RNF213: variants seen among roughly 807,000 people sequenced by gnomAD.
RNF213 encodes E3 ubiquitin-protein ligase RNF213.
In RNF213, 341 loss-of-function variants were observed where a neutral mutation model predicts 514.4. The ratio of observed to expected loss-of-function variants is 0.66; its 90% CI spans 0.61 to 0.73. The LOEUF (loss-of-function observed/expected upper bound fraction) is 0.73. Among genes scored for constraint, RNF213 ranks in the 30% least tolerant of loss-of-function variants. RNF213 has a pLI of 0.00. For synonymous variants in RNF213, 2,655 were observed against 2,658.2 expected, an observed-to-expected ratio of 1.00 and a Z score of 0.04; for missense variants, 5,767 against 6,615.6, an observed-to-expected ratio of 0.87 and a Z score of 4.45.
chr17:80,349,856 C>T lies in RNF213; in HGVS notation c.10038C>T (p.Leu3346=). 1 of 1,614,116 alleles carries T rather than the reference C, an allele frequency of 6.2e-7. No homozygotes were observed. The highest frequency in any genetic ancestry group is 1.1e-5 in the South Asian group (1 of 91,082). Residue 3346 remains leucine, a synonymous_variant, in exon 30 of 68, where the codon CTC becomes CTT. Coordinates refer to ENST00000582970, the MANE Select transcript of RNF213 (RefSeq NM_001256071.3). ...CAGGCAGGGCTCCGAAACCCACACTCCTGTGGCTGCAGCAGTTTGACACCG... is the reference window on the plus strand; with the variant it reads ...CAGGCAGGGCTCCGAAACCCACACTTCTGTGGCTGCAGCAGTTTGACACCG... ...EVTGRAPKPT[L]LWLQQFDTEY...
chr17:80,268,600 CATCT>C (rs563833520), intron 2 of RNF213, among the ~76,000 whole-genome samples: 42 of 151,310 alleles, frequency 2.8e-4, no homozygotes, highest in Admixed American at 5.9e-4. Context: ...CTCTCTCATC[CATCT>C]GTTTGTCCAT....
intron 44 of RNF213, among the ~76,000 whole-genome samples, chr17:80,368,975 TGAA>T (rs1490513587): frequency 6.6e-6 from 1 of 152,178 alleles, no homozygotes; most frequent in Non-Finnish European, 1.5e-5. Context: ...TTTGGGATAT[TGAA>T]GGGTATTGTT....
At position 80,363,716 on chromosome 17, in the gene RNF213, G is replaced by T; in HGVS notation, c.11676G>T (p.Pro3892=). Residue 3892 remains proline (P), a synonymous_variant, in exon 41 of 68, where the codon CCG becomes CCT. Coordinates refer to ENST00000582970, the MANE Select transcript of RNF213 (RefSeq NM_001256071.3). The part of the protein sequence containing the change: ...WLQLVKNLSM[P]LELICSDEHM... ...AGTTGGTGAAGAATCTTTCCATGCC[G>T]CTGGAGCTCATCTGCTCCGATGAGC... 6.2e-7 allele frequency: 1 copy of T among 1,613,824 alleles called. No individual in the cohort carries two copies.
intron 63 of RNF213, 27 bp from the exon 64 acceptor site, chr17:80,388,585 A>T (rs1302959898): frequency 1.4e-5 from 21 of 1,514,450 alleles, no homozygotes; most frequent in East Asian, 6.8e-5. Context: ...ATTTAATTTT[A>T]AAAAACTTTT....
At position 80,264,610 on chromosome 17, in the gene RNF213, G is replaced by A. The variant is rs2043544298; in HGVS notation, c.97+832G>A. On this transcript the variant is annotated intron_variant, in intron 2 of 67. Coordinates refer to ENST00000582970, the MANE Select transcript of RNF213 (RefSeq NM_001256071.3). This position sits in a 1 kb window ranked among gnomAD's most constrained non-coding sequence, Gnocchi z 5.0. ...TGCTTCTATCGGACCCATCACCCCG[G>A]GGCCCTCTCCTTCCTCCATGACCCA... Among the ~76,000 whole-genome samples the A allele has an allele frequency of 6.6e-6, 1 of 152,000 alleles. No individual in the cohort carries two copies. Among genetic ancestry groups the A allele is most frequent in the South Asian group, 2.1e-4 (1 of 4,820 alleles).
In RNF213 at chr17:80,288,677, C is replaced by G. The variant is rs1199109898; in HGVS notation, c.855C>G (p.Ala285=). The part of the protein sequence containing the change: ...VAEPANAVKG[A]GKEMKEKTQR... ...AGCCAGCCAATGCAGTTAAAGGGGCCGGGAAGGAAATGAAAGAGAAGACCC... is the reference window on the plus strand; with the variant it reads ...AGCCAGCCAATGCAGTTAAAGGGGCGGGGAAGGAAATGAAAGAGAAGACCC... Residue 285 remains alanine, a synonymous_variant, in exon 5 of 68, where the codon GCC becomes GCG. Transcript: ENST00000582970. This position sits in a 1 kb window ranked among gnomAD's most constrained non-coding sequence, Gnocchi z 4.9. 17 of 1,613,982 alleles carry G rather than the reference C, an allele frequency of 1.1e-5. No homozygotes were observed. The highest frequency in any genetic ancestry group is 1.3e-5 in the African/African-American group (1 of 74,896).
intron 35 of RNF213, 76 bp from the exon 36 acceptor site, chr17:80,354,365 G>T: frequency 1.2e-6 from 2 of 1,608,114 alleles, no homozygotes; most frequent in Non-Finnish European, 1.7e-6. Flanking sequence ...CTTCCTGGGG[G>T]AGGTGGGACA....
At chr17:80,370,567 C>A (rs1568147550) in intron 46 of RNF213, among the ~76,000 whole-genome samples, 1 of 152,310 alleles carries the variant, frequency 6.6e-6, no homozygotes, top group East Asian at 1.9e-4. Context: ...GCCATGCACA[C>A]GTGGTTTTCT....
chr17:80,369,165 G>A (rs571657452), intron 44 of RNF213, among the ~76,000 whole-genome samples: 6 of 152,278 alleles, frequency 3.9e-5, no homozygotes, highest in African/African-American at 1.4e-4. Context: ...CTGGGAGGCC[G>A]AGGTGTGTGG....
At chr17:80,299,747 T>G (rs112612767) in intron 11 of RNF213, among the ~76,000 whole-genome samples, 10,822 of 152,096 alleles carry the variant, frequency 0.071, 537 homozygotes, top group East Asian at 0.22. Flanking sequence ...CCAGTGTGTG[T>G]TGTTCCCCTC....
intron 57 of RNF213, chr17:80,382,018 T>C (rs2080028032): frequency 4.6e-6 from 2 of 430,818 alleles, no homozygotes; most frequent in South Asian, 2.1e-5. Flanking sequence ...TGCACGCAAG[T>C]GTTCAGTGTG....
intron 15 of RNF213, chr17:80,315,795 G>GGAGGTGATGGTGGTT (rs2045914052): frequency 5.0e-5 from 1 of 20,182 alleles, no homozygotes; most frequent in Non-Finnish European, 1.2e-4. Context: ...TGGTGGTGGT[G>GGAGGTGATGGTGGTT]GTGGTGGAGG....
At chr17:80,330,014 T>C (rs2046371212) in intron 20 of RNF213, among the ~76,000 whole-genome samples, 1 of 152,222 alleles carries the variant, frequency 6.6e-6, no homozygotes, top group South Asian at 2.1e-4. Context: ...TCATCATTTT[T>C]CTCTCGGATT....
At chr17:80,352,706 G>T (rs1487349092) in intron 32 of RNF213, 15 of 663,738 alleles carry the variant, frequency 2.3e-5, no homozygotes, top group Middle Eastern at 2.4e-4. Context: ...GCCATTGCAG[G>T]TCTTACCGTT....
intron 8 of RNF213, chr17:80,292,091 T>C: frequency 1.9e-6 from 1 of 522,542 alleles, no homozygotes; most frequent in South Asian, 2.0e-5. Context: ...CAAAGGACTT[T>C]TTGTTTGTTT....
rs114830747 is a variant in RNF213, at chr17:80,274,264, T to C, written c.261+860T>C. 6.2e-3 allele frequency among the ~76,000 whole-genome samples: 947 copies of C among 152,134 alleles called. 14 individuals are homozygous for C. Among genetic ancestry groups the C allele is most frequent in the African/African-American group, 0.022 (909 of 41,530 alleles). Reference sequence around the variant, plus strand: ...GCCACCTTTTGGCTCCCTCTGGCCTTGAACAGCCTCTTAGGCGTTAGACAC... The same window carrying C: ...GCCACCTTTTGGCTCCCTCTGGCCTCGAACAGCCTCTTAGGCGTTAGACAC... On this transcript the variant is annotated intron_variant, in intron 3 of 67. Transcript: ENST00000582970.
At chr17:80,350,248 T>A (rs9944443) in intron 30 of RNF213, 53 bp from the exon 31 acceptor site, 534,291 of 1,141,442 alleles carry the variant, frequency 0.47, 127,490 homozygotes, top group Middle Eastern at 0.49. Flanking sequence ...GAATTTTCTT[T>A]TCCATTTTTT....
chr17:80,324,192 CT>C (rs1431017153), intron 17 of RNF213, among the ~76,000 whole-genome samples: 1 of 152,196 alleles, frequency 6.6e-6, no homozygotes, highest in Non-Finnish European at 1.5e-5. Context: ...AGGTTTCAGT[CT>C]TTTGCCACCA....
At chr17:80,389,433 G>A (rs2080372808) in intron 65 of RNF213, 66 bp downstream of exon 65, 2 of 1,452,102 alleles carry the variant, frequency 1.4e-6, no homozygotes, top group Non-Finnish European at 1.9e-6. Flanking sequence ...TCCCGCGAGG[G>A]ATAGGAGCAT....
Sources: gnomAD v4.1 joint callset for allele counts (sites outside exome capture counted in the v4.1 genomes callset) on GRCh38, gnomAD v4.1.1 for gene constraint, Gnocchi (gnomAD v3.1) non-coding constraint, MANE v1.5 for transcripts, NCBI Gene and HGNC (gene_info 2026-07-23, HGNC 2026-07-21) for gene names.